The following SUMF1 variants were observed in gnomAD, a reference collection of about 807,000 sequenced individuals.
SUMF1 encodes formylglycine-generating enzyme.
In SUMF1, 48 loss-of-function variants were observed where a neutral mutation model predicts 47.6. The ratio of observed to expected loss-of-function variants is 1.01; its 90% CI spans 0.80 to 1.28. The LOEUF (loss-of-function observed/expected upper bound fraction) is 1.28, where lower values mean the gene tolerates loss of function less well. SUMF1 is among the 50% of genes most tolerant of loss of function. The pLI is 0.00. For missense variants in SUMF1, 571 were observed against 485.4 expected (o/e 1.18, Z -1.66); for synonymous variants, 230 against 192.1 (o/e 1.20, Z -1.63).
intron 9 of SUMF1, among the ~76,000 whole-genome samples, chr3:4,049,017 C>CTA (rs1161149111): frequency 6.6e-6 from 1 of 152,166 alleles, no homozygotes; most frequent in Non-Finnish European, 1.5e-5. Flanking sequence ...GAAGAGTTTT[C>CTA]TAACCTAACA....
At chr3:4,205,194 CA>C (rs1472372804) in intron 8 of SUMF1, among the ~76,000 whole-genome samples, 1 of 152,136 alleles carries the variant, frequency 6.6e-6, no homozygotes, top group Non-Finnish European at 1.5e-5. Context: ...CAATCTTCCC[CA>C]ACCCTTAAGA....
intron 8 of SUMF1, chr3:4,313,235 T>G (rs1698489956): frequency 6.2e-7 from 1 of 1,613,884 alleles, no homozygotes; most frequent in Non-Finnish European, 8.5e-7. Context: ...GGAAGGTTTG[T>G]CTGTGAATAT....
intron 3 of SUMF1, 118 bp downstream of exon 3, chr3:4,449,148 A>C: frequency 9.0e-7 from 1 of 1,106,362 alleles, no homozygotes. Context: ...AATCCTCAGC[A>C]GGAGAATGGT....
At chr3:4,369,124 A>T (rs901913989) in intron 8 of SUMF1, among the ~76,000 whole-genome samples, 6 of 152,104 alleles carry the variant, frequency 3.9e-5, no homozygotes, top group Non-Finnish European at 8.8e-5. Context: ...AAGTATCTCA[A>T]GTTGACACAG....
At chr3:4,180,701 A>ACACACACACACACACACACACAC (rs1559543396) in intron 8 of SUMF1, among the ~76,000 whole-genome samples, 1 of 5,128 alleles carries the variant, frequency 2.0e-4, no homozygotes, top group Non-Finnish European at 4.2e-4. Flanking sequence ...CACACACACA[A>ACACACACACACACACACACACAC]AATTAGCCAG....
At chr3:4,316,055 A>C (rs1465079047) in intron 8 of SUMF1, among the ~76,000 whole-genome samples, 2 of 151,960 alleles carry the variant, frequency 1.3e-5, no homozygotes, top group Non-Finnish European at 2.9e-5. Context: ...TCAAAAAAAA[A>C]AAAAAAAAAA....
chr3:4,318,010 G>C (rs376217923), intron 8 of SUMF1, among the ~76,000 whole-genome samples: 13 of 152,220 alleles, frequency 8.5e-5, no homozygotes, highest in Admixed American at 3.3e-4. Context: ...CTGAGCAAGA[G>C]AGGTTCCTGC....
chr3:4,066,329 T>C (rs954272799), intron 9 of SUMF1, among the ~76,000 whole-genome samples: 8 of 151,842 alleles, frequency 5.3e-5, no homozygotes, highest in African/African-American at 1.9e-4. Context: ...TTCATGAAAA[T>C]ATGAGAGTAA....
intron 8 of SUMF1, among the ~76,000 whole-genome samples, chr3:4,167,035 G>C (rs1694723208): frequency 6.6e-6 from 1 of 152,124 alleles, no homozygotes; most frequent in Non-Finnish European, 1.5e-5. Flanking sequence ...AAAGGGTTCT[G>C]ATGGTACTCA....
chr3:4,167,319 C>T (rs1192174638), intron 8 of SUMF1, among the ~76,000 whole-genome samples: 1 of 152,174 alleles, frequency 6.6e-6, no homozygotes, highest in Non-Finnish European at 1.5e-5. Flanking sequence ...TGTCCCCTCC[C>T]ATGTCTGTTT....
At chr3:4,234,807 C>T (rs922200945) in intron 8 of SUMF1, among the ~76,000 whole-genome samples, 2 of 152,082 alleles carry the variant, frequency 1.3e-5, no homozygotes, top group African/African-American at 4.8e-5. Context: ...AAAAAGCCTA[C>T]ATGACATTCC....
At chr3:4,041,838 C>A (rs1370899352) in intron 9 of SUMF1, among the ~76,000 whole-genome samples, 1 of 152,170 alleles carries the variant, frequency 6.6e-6, no homozygotes, top group Non-Finnish European at 1.5e-5. Context: ...TGAAAACCGG[C>A]AGCACAGCTT....
At chr3:4,243,868 GTC>G (rs1696600383) in intron 8 of SUMF1, among the ~76,000 whole-genome samples, 2 of 152,116 alleles carry the variant, frequency 1.3e-5, no homozygotes, top group African/African-American at 4.8e-5. Flanking sequence ...GAGTGTTACA[GTC>G]TCCGGTTATT....
chr3:4,077,493 C>A (rs143289831), intron 8 of SUMF1, among the ~76,000 whole-genome samples: 2,363 of 152,202 alleles, frequency 0.016, 81 homozygotes, highest in African/African-American at 0.055. Flanking sequence ...AGAACAAGTT[C>A]ATGTCCTTTG....
intron 8 of SUMF1, among the ~76,000 whole-genome samples, chr3:4,112,177 A>C (rs1693322926): frequency 6.6e-6 from 1 of 152,186 alleles, no homozygotes; most frequent in South Asian, 2.1e-4. Flanking sequence ...ATCAGAATGC[A>C]CTTCAAGCAA....
chr3:4,253,989 C>G (rs770226456), intron 8 of SUMF1, among the ~76,000 whole-genome samples: 9 of 151,014 alleles, frequency 6.0e-5, no homozygotes, highest in South Asian at 2.1e-4. Flanking sequence ...GGAGGCACCC[C>G]CCAGCAAGGG....
rs371022938 is a variant in SUMF1 at position 4,390,934 on chromosome 3, G to A, written c.955-14545C>T. Among the ~76,000 whole-genome samples the A allele has an allele frequency of 1.4e-3, 215 of 152,206 alleles. 1 individual carries two copies. Among genetic ancestry groups the A allele is most frequent in the African/African-American group, 4.9e-3 (204 of 41,516 alleles). ...GAGTTTTAGTTGTATTTAGTAAGAG[G>A]AATAGAAAAATGTACATCTACTCCA... On this transcript the variant is annotated intron_variant, in intron 7 of 8. Coordinates refer to ENST00000272902, the MANE Select transcript of SUMF1 (RefSeq NM_182760.4).
chr3:4,176,495 T>C (rs1441694113), intron 8 of SUMF1, among the ~76,000 whole-genome samples: 1 of 152,112 alleles, frequency 6.6e-6, no homozygotes, highest in Non-Finnish European at 1.5e-5. Flanking sequence ...TGCTGAGAGA[T>C]TTTGTCACCA....
intron 6 of SUMF1, among the ~76,000 whole-genome samples, chr3:4,413,846 T>G (rs1701621735): frequency 6.6e-6 from 1 of 151,616 alleles, no homozygotes; most frequent in Admixed American, 6.6e-5. Flanking sequence ...GGAAACACAA[T>G]GAGACCTCAC....
Sources: allele counts gnomAD v4.1 joint callset (sites outside exome capture counted in the v4.1 genomes callset), GRCh38; gene constraint gnomAD v4.1.1; transcripts MANE v1.5; gene names NCBI Gene and HGNC (gene_info 2026-07-23, HGNC 2026-07-21).